Variants in CADPS2 observed in about 807,000 individuals in gnomAD.
The protein encoded by CADPS2 is calcium dependent secretion activator 2.
Under a neutral mutation model 172.5 loss-of-function variants are expected in CADPS2, and 93 were observed. The ratio of observed to expected loss-of-function variants is 0.54; its 90% CI spans 0.46 to 0.64. The LOEUF is 0.64. Among genes scored for constraint, CADPS2 ranks in the 30% least tolerant of loss-of-function variants. The probability of loss-of-function intolerance (pLI) is 0.00; values close to 1 mark genes in which losing one functional copy is unlikely to be tolerated. For synonymous variants in CADPS2, 546 were observed against 555.2 expected, an observed-to-expected ratio of 0.98 and a Z score of 0.23; for missense variants, 1,420 against 1,565.9, an observed-to-expected ratio of 0.91 and a Z score of 1.57.
chr7:122,715,065 G>A (rs146235787), intron 2 of CADPS2, among the ~76,000 whole-genome samples: 2 of 152,122 alleles, frequency 1.3e-5, no homozygotes, highest in Non-Finnish European at 1.5e-5. Flanking sequence ...AACTGTGAGA[G>A]AATAAGTTTC....
intron 6 of CADPS2, among the ~76,000 whole-genome samples, chr7:122,584,426 T>A (rs1281755887): frequency 5.3e-5 from 8 of 151,998 alleles, no homozygotes; most frequent in Admixed American, 5.3e-4. Context: ...CCTTATAGCA[T>A]CTGTTATGTC....
intron 7 of CADPS2, among the ~76,000 whole-genome samples, chr7:122,556,395 C>A (rs1373339169): frequency 1.3e-5 from 2 of 152,096 alleles, no homozygotes; most frequent in African/African-American, 4.8e-5. Context: ...CCACACCCAT[C>A]CCCCACACCA....
At chr7:122,324,490 G>C (rs945441122) in intron 29 of CADPS2, among the ~76,000 whole-genome samples, 1 of 152,090 alleles carries the variant, frequency 6.6e-6, no homozygotes, top group African/African-American at 2.4e-5. Context: ...TTCCACCCTC[G>C]GAATTTCTGA....
At chr7:122,386,307 A>T in intron 24 of CADPS2, 1 of 1,443,104 alleles carries the variant, frequency 6.9e-7, no homozygotes, top group Non-Finnish European at 9.2e-7. Flanking sequence ...ATTGACTACC[A>T]AACTGGATCA....
intron 12 of CADPS2, among the ~76,000 whole-genome samples, chr7:122,478,935 A>G (rs1014279856): frequency 1.3e-5 from 2 of 152,150 alleles, no homozygotes; most frequent in African/African-American, 4.8e-5. Context: ...CTTAAAGTAT[A>G]ATAAAAATAT....
intron 6 of CADPS2, among the ~76,000 whole-genome samples, chr7:122,586,213 A>C (rs1332236955): frequency 6.6e-6 from 1 of 152,002 alleles, no homozygotes; most frequent in Non-Finnish European, 1.5e-5. Flanking sequence ...TTTTATGTGG[A>C]GATGACATTC....
chr7:122,369,528 T>A (rs1461661697), intron 25 of CADPS2: 3 of 152,184 alleles, frequency 2.0e-5, no homozygotes, highest in African/African-American at 7.2e-5. Context: ...AGTCCTTTTT[T>A]CAATTGTTGA....
At chr7:122,330,885 C>T (rs1322565169) in intron 28 of CADPS2, 2 of 152,180 alleles carry the variant, frequency 1.3e-5, no homozygotes, top group African/African-American at 4.8e-5. Flanking sequence ...CTGTTACGCA[C>T]CTTCTCTATG....
chr7:122,586,342 C>A (rs770042889), intron 6 of CADPS2, among the ~76,000 whole-genome samples: 1 of 152,000 alleles, frequency 6.6e-6, no homozygotes, highest in South Asian at 2.1e-4. Flanking sequence ...GCCTTCTCAA[C>A]AGGTTGTATA....
chr7:122,550,704 A>G (rs1447282897), intron 8 of CADPS2, among the ~76,000 whole-genome samples: 1 of 152,186 alleles, frequency 6.6e-6, no homozygotes, highest in Non-Finnish European at 1.5e-5. Flanking sequence ...TTACTTAGCC[A>G]CTAGGCTATG....
At chr7:122,376,915 T>A (rs2042435943) in intron 25 of CADPS2, among the ~76,000 whole-genome samples, 1 of 152,140 alleles carries the variant, frequency 6.6e-6, no homozygotes, top group Non-Finnish European at 1.5e-5. Flanking sequence ...AAAAATATCA[T>A]AATTATGGAG....
intron 23 of CADPS2, among the ~76,000 whole-genome samples, chr7:122,388,346 G>A (rs2043940502): frequency 6.6e-6 from 1 of 151,836 alleles, no homozygotes; most frequent in African/African-American, 2.4e-5. Context: ...CCATTAATAT[G>A]GTATAGATGT....
At chr7:122,722,399 C>G (rs2090530305) in intron 2 of CADPS2, among the ~76,000 whole-genome samples, 1 of 149,116 alleles carries the variant, frequency 6.7e-6, no homozygotes, top group East Asian at 1.9e-4. Context: ...ACACCAATAA[C>G]AGACAAACAG....
At chr7:122,406,647 A>C (rs1009516660) in intron 20 of CADPS2, among the ~76,000 whole-genome samples, 2 of 152,208 alleles carry the variant, frequency 1.3e-5, no homozygotes, top group African/African-American at 4.8e-5. Flanking sequence ...ATCGTGAGAC[A>C]GAGTTGTTTT....
chr7:122,345,886 T>C (rs2037532398), intron 27 of CADPS2, among the ~76,000 whole-genome samples: 1 of 147,472 alleles, frequency 6.8e-6, no homozygotes. Flanking sequence ...TGAGATCAAA[T>C]TGAAAATACA....
chr7:122,750,457 C>A (rs1231550775), intron 1 of CADPS2, among the ~76,000 whole-genome samples: 2 of 152,118 alleles, frequency 1.3e-5, no homozygotes, highest in African/African-American at 2.4e-5. Context: ...TTGACAACAT[C>A]TTCCTTTGTT....
intron 8 of CADPS2, among the ~76,000 whole-genome samples, chr7:122,521,792 T>G (rs1188122588): frequency 2.0e-5 from 3 of 151,982 alleles, no homozygotes; most frequent in African/African-American, 4.8e-5. Flanking sequence ...AACATAGAGT[T>G]CTTCACTTAT....
intron 3 of CADPS2, among the ~76,000 whole-genome samples, chr7:122,638,829 A>G (rs1418009615): frequency 6.6e-6 from 1 of 152,098 alleles, no homozygotes; most frequent in Non-Finnish European, 1.5e-5. Flanking sequence ...TCTGTTCTCC[A>G]TGTCCCATTA....
At chr7:122,606,045 T>C (rs1007568772) in intron 6 of CADPS2, among the ~76,000 whole-genome samples, 32 of 152,202 alleles carry the variant, frequency 2.1e-4, no homozygotes, top group Non-Finnish European at 4.4e-5. Flanking sequence ...GTTGAATACT[T>C]GTATAAATTC....
Sources: gnomAD v4.1 joint callset for allele counts (sites outside exome capture counted in the v4.1 genomes callset) on GRCh38, gnomAD v4.1.1 for gene constraint, MANE v1.5 for transcripts, NCBI Gene and HGNC (gene_info 2026-07-23, HGNC 2026-07-21) for gene names.